MRPS35: variants seen among roughly 807,000 people sequenced by gnomAD.
The protein encoded by MRPS35 is small ribosomal subunit protein mS35.
In MRPS35, 29 loss-of-function variants were observed where a neutral mutation model predicts 32.7. The ratio of observed to expected loss-of-function variants is 0.89; its 90% CI spans 0.66 to 1.21. The LOEUF is 1.21. MRPS35 is among the 50% of genes most tolerant of loss of function. The pLI is 0.00. For synonymous variants in MRPS35, 148 were observed against 139.3 expected (o/e 1.06, Z -0.44); for missense variants, 373 against 383.8 (o/e 0.97, Z 0.23).
At chr12:27,753,233 A>G (rs2062013164) in intron 7 of MRPS35, among the ~76,000 whole-genome samples, 1 of 152,178 alleles carries the variant, frequency 6.6e-6, no homozygotes, top group Non-Finnish European at 1.5e-5. Context: ...CAGGGAAGAC[A>G]TCCTGCATCT....
intron 1 of MRPS35, among the ~76,000 whole-genome samples, chr12:27,712,802 A>G (rs2061833711): frequency 2.0e-5 from 3 of 152,206 alleles, no homozygotes; most frequent in South Asian, 2.1e-4. Flanking sequence ...GGATCCCTTG[A>G]GCCCAGGAGT....
rs545717860 is a variant in MRPS35 at position 27,741,376 on chromosome 12, G to C, written c.702+3768G>C. On this transcript the variant is annotated intron_variant, in intron 7 of 7. Transcript: ENST00000081029. The stretch of plus-strand genomic sequence containing the variant: ...CTCTGAGGTTCAGTTTTTTCCTAAG[G>C]ATTTTTGGATGGATCAGGGAGAATT... Among the ~76,000 whole-genome samples the C allele has an allele frequency of 4.6e-5, 7 of 152,172 alleles. 1 individual carries two copies. In the South Asian group the frequency reaches 1.0e-3, roughly 23 times the overall value.
chr12:27,723,046 A>G (rs976636733), intron 4 of MRPS35, among the ~76,000 whole-genome samples: 3 of 152,190 alleles, frequency 2.0e-5, no homozygotes, highest in African/African-American at 4.8e-5. Context: ...TGGAGGAAGC[A>G]TGGATCTGTG....
At chr12:27,731,245 C>T (rs1463081881) in intron 5 of MRPS35, among the ~76,000 whole-genome samples, 1 of 152,152 alleles carries the variant, frequency 6.6e-6, no homozygotes, top group Admixed American at 6.5e-5. Context: ...TTCCTAGAAT[C>T]AGCATTTCTC....
intron 6 of MRPS35, 106 bp from the exon 7 acceptor site, chr12:27,737,433 A>G (rs2061946723): frequency 9.2e-6 from 7 of 757,504 alleles, no homozygotes; most frequent in Non-Finnish European, 1.6e-5. Context: ...CAGAAAAGGA[A>G]TACCTGAAAA....
chr12:27,727,485 A>T (rs2061905015), intron 5 of MRPS35, among the ~76,000 whole-genome samples: 1 of 152,148 alleles, frequency 6.6e-6, no homozygotes, highest in African/African-American at 2.4e-5. Context: ...GCCAAGGAGC[A>T]ATTGACTATA....
At chr12:27,721,363 A>G (rs569883088) in intron 4 of MRPS35, among the ~76,000 whole-genome samples, 4 of 152,302 alleles carry the variant, frequency 2.6e-5, no homozygotes, top group African/African-American at 9.6e-5. Context: ...ATCACTTCCA[A>G]ATTTGTGTCC....
intron 5 of MRPS35, among the ~76,000 whole-genome samples, chr12:27,731,150 C>T (rs1270080550): frequency 6.6e-6 from 1 of 152,144 alleles, no homozygotes; most frequent in Non-Finnish European, 1.5e-5. Flanking sequence ...CTCTTCTGTT[C>T]CTTTGCCATG....
At chr12:27,715,015 T>A (rs573123248) in intron 2 of MRPS35, among the ~76,000 whole-genome samples, 195 bp downstream of exon 2, 1 of 152,216 alleles carries the variant, frequency 6.6e-6, no homozygotes, top group Admixed American at 6.5e-5. Flanking sequence ...CTTTGAGAGG[T>A]TGACTTACTG....
chr12:27,711,344 A>C (rs1593460590), intron 1 of MRPS35, among the ~76,000 whole-genome samples: 1 of 152,300 alleles, frequency 6.6e-6, no homozygotes, highest in African/African-American at 2.4e-5. Context: ...TGCTAGGACA[A>C]ATTGCTGCTC....
intron 1 of MRPS35, among the ~76,000 whole-genome samples, chr12:27,712,886 C>G (rs1466237296): frequency 1.3e-5 from 2 of 152,142 alleles, no homozygotes; most frequent in African/African-American, 4.8e-5. Context: ...GACGTGGTGG[C>G]CCATGCCTGT....
intron 5 of MRPS35, among the ~76,000 whole-genome samples, chr12:27,726,716 G>T (rs973091692): frequency 2.6e-5 from 4 of 152,004 alleles, no homozygotes; most frequent in African/African-American, 7.3e-5. Context: ...TATCATTGTA[G>T]TTTTGATTTG....
At chr12:27,745,724 C>T (rs1426250250) in intron 7 of MRPS35, among the ~76,000 whole-genome samples, 1 of 152,080 alleles carries the variant, frequency 6.6e-6, no homozygotes, top group Admixed American at 6.6e-5. Flanking sequence ...TCCCCCTGCC[C>T]CCCACAACAG....
At chr12:27,751,122 A>AAAAAG (rs1565472347) in intron 7 of MRPS35, among the ~76,000 whole-genome samples, 33 of 148,460 alleles carry the variant, frequency 2.2e-4, no homozygotes, top group African/African-American at 5.9e-4. Context: ...AAAAAAAAAA[A>AAAAAG]AAAAGAAAAG....
intron 4 of MRPS35, 95 bp downstream of exon 4, chr12:27,719,963 T>C: frequency 1.1e-6 from 1 of 904,360 alleles, no homozygotes; most frequent in Non-Finnish European, 1.7e-6. Flanking sequence ...TATATTCAAG[T>C]TGTTTTCAGT....
chr12:27,754,072 G>C (rs1295498668), intron 7 of MRPS35, among the ~76,000 whole-genome samples: 4 of 152,100 alleles, frequency 2.6e-5, no homozygotes, highest in South Asian at 2.1e-4. Context: ...TAGAAAACAT[G>C]GTGAAACTCC....
At chr12:27,733,710 A>G (rs2061931451) in intron 5 of MRPS35, among the ~76,000 whole-genome samples, 1 of 152,172 alleles carries the variant, frequency 6.6e-6, no homozygotes, top group Non-Finnish European at 1.5e-5. Context: ...TTATCTGTCA[A>G]GTCAGTAACC....
At position 27,716,340 on chromosome 12, in the gene MRPS35, G is replaced by A. The variant is rs998312320; in HGVS notation, c.203G>A (p.Ser68Asn). Residue 68 changes from serine to asparagine, a missense_variant, in exon 3 of 8, where the codon AGT becomes AAT. Transcript: ENST00000081029. ...ATGGCTGTTGACCAGGACTGGCCTA[G>A]TGTTTACCCAGTTGCAGCACCATTT... The part of the protein sequence containing the change: ...EKMAVDQDWP[S>N]VYPVAAPFKP... 2.3e-5 allele frequency: 37 copies of A among 1,614,028 alleles called. No homozygotes were observed. Among genetic ancestry groups the A allele is most frequent in the Non-Finnish European group, 3.1e-5 (37 of 1,180,018 alleles).
intron 6 of MRPS35, among the ~76,000 whole-genome samples, chr12:27,736,348 T>C (rs577029346): frequency 6.6e-6 from 1 of 152,328 alleles, no homozygotes; most frequent in African/African-American, 2.4e-5. Flanking sequence ...TGGTTTGTGA[T>C]TATTACCATA....
Sources: allele counts gnomAD v4.1 joint callset (sites outside exome capture counted in the v4.1 genomes callset), GRCh38; gene constraint gnomAD v4.1.1; transcripts MANE v1.5; gene names NCBI Gene and HGNC (gene_info 2026-07-23, HGNC 2026-07-21).